CYP1B1: variants seen among roughly 807,000 people sequenced by gnomAD.
CYP1B1 encodes the protein cytochrome P450 1B1.
Under a neutral mutation model 29.9 loss-of-function variants are expected in CYP1B1, and 22 were observed. That is an observed-to-expected ratio of 0.74 (90% confidence interval 0.53 to 1.05). The LOEUF is 1.05. Ranked by LOEUF, CYP1B1 falls within the 50% of genes least tolerant of loss-of-function variation. The pLI is 0.00. For synonymous variants in CYP1B1, 375 were observed against 320.0 expected, an observed-to-expected ratio of 1.17 and a Z score of -1.83; for missense variants, 883 against 746.9, an observed-to-expected ratio of 1.18 and a Z score of -2.12.
rs1164356041 is a variant in CYP1B1 at position 38,074,783 on chromosome 2, G to C, written c.606C>G (p.Ala202=). ...DPRPLTVVAV[A]NVMSAVCFGC... ...CGAAACACACGGCACTCATGACGTT[G>C]GCCACGGCCACGACGGTCAGCGGCC... The change falls in exon 2 of 3, where the codon GCC becomes GCG. Residue 202 remains alanine, a synonymous_variant. Transcript: ENST00000610745. 1.9e-6 allele frequency: 3 copies of C among 1,589,388 alleles called. No individual in the cohort carries two copies. The highest frequency in any genetic ancestry group is 2.6e-6 in the Non-Finnish European group (3 of 1,168,220).
rs78078384 is a variant in CYP1B1, at chr2:38,074,279, T to C, written c.1043+67A>G. The stretch of plus-strand genomic sequence containing the variant: ...CGGGGCCCTGCTTGCAAACTCAGCA[T>C]ATTCTGTCTCTACTCCGCCTTTTTC... On this transcript the variant is annotated intron_variant, in intron 2 of 2. Coordinates refer to ENST00000610745, the MANE Select transcript of CYP1B1 (RefSeq NM_000104.4). The C allele has an allele frequency of 6.5e-4, 1,011 of 1,547,044 alleles. 10 individuals carry two copies. In the African/African-American group the frequency reaches 0.013, roughly 19 times the overall value.
rs187558403 is a variant in CYP1B1, at chr2:38,069,575, A to G, written c.*1147T>C. 1.0e-5 allele frequency: 2 copies of G among 196,070 alleles called. No homozygotes were observed. The highest frequency in any genetic ancestry group is 6.1e-5 in the Admixed American group (1 of 16,476). The allele number at this position is 196,070 out of a possible 1,614,324, so 12.1% of individuals were successfully genotyped here. A position where few individuals can be genotyped will look rare whatever the true frequency, so the allele number is the denominator to read the frequency against. ...TATTATAAATAGAATTTCAATAAAG[A>G]TGTTATAAAAATAAGAACACATCTT... On this transcript the variant is annotated 3_prime_UTR_variant, in exon 3 of 3. Coordinates refer to ENST00000610745, the MANE Select transcript of CYP1B1 (RefSeq NM_000104.4).
At position 38,074,484 on chromosome 2, in the gene CYP1B1, T is replaced by G. The variant is rs771079700; in HGVS notation, c.905A>C (p.Lys302Thr). The change falls in exon 2 of 3, where the codon AAG (lysine) becomes ACG (threonine). Residue 302 changes from lysine to threonine, a missense_variant. By Grantham distance (78) the Lys-to-Thr change is moderately conservative. Coordinates refer to ENST00000610745, the MANE Select transcript of CYP1B1 (RefSeq NM_000104.4). ...MMDAFILSAE[K>T]KAAGDSHGGG... ...ACCGTGCGAGTCCCCGGCCGCCTTC[T>G]TTTCCGCAGAGAGGATAAAGGCGTC... 2 of 1,612,232 alleles carry G rather than the reference T, an allele frequency of 1.2e-6. No individual in the cohort carries two copies. Among genetic ancestry groups the G allele is most frequent in the Non-Finnish European group, 1.7e-6 (2 of 1,179,482 alleles).
In CYP1B1 at chr2:38,074,745, CT is replaced by C; in HGVS notation, c.643del (p.Ser215AlafsTer29). Reference protein sequence around the residue: ...MSAVCFGCRYSHDDPEFRELL... With the variant: ...MSAVCFGCRYXHDDPEFRELL... ...CTCACGGAACTCGGGGTCGTCGTGGCTGTAGCGGCAGCCGAAACACACGGCA... is the reference window on the plus strand; with the variant it reads ...CTCACGGAACTCGGGGTCGTCGTGGCGTAGCGGCAGCCGAAACACACGGCA... On this transcript the variant is annotated frameshift_variant, in exon 2 of 3. Transcript: ENST00000610745. LOFTEE classifies it high-confidence loss of function. 1 of 1,604,382 alleles carries C rather than the reference CT, an allele frequency of 6.2e-7. No individual in the cohort carries two copies. The highest frequency in any genetic ancestry group is 1.3e-5 in the African/African-American group (1 of 74,956).
Sources: allele counts gnomAD v4.1 joint callset, GRCh38; gene constraint gnomAD v4.1.1; transcripts MANE v1.5; gene names NCBI Gene and HGNC (gene_info 2026-07-23, HGNC 2026-07-21).